TSPAN11: variants seen among roughly 807,000 people sequenced by gnomAD.
TSPAN11 encodes tetraspanin 11.
In TSPAN11, 29 loss-of-function variants were observed where a neutral mutation model predicts 32.9. The ratio of observed to expected loss-of-function variants is 0.88; its 90% CI spans 0.66 to 1.20. The LOEUF (loss-of-function observed/expected upper bound fraction) is 1.20, where lower values mean the gene tolerates loss of function less well. Ranked by LOEUF, TSPAN11 falls within the 50% of genes most tolerant of loss-of-function variation. TSPAN11 has a pLI of 0.00. For synonymous variants in TSPAN11, 140 were observed against 141.3 expected, an observed-to-expected ratio of 0.99 and a Z score of 0.07; for missense variants, 283 against 329.1, an observed-to-expected ratio of 0.86 and a Z score of 1.08.
chr12:30,934,044 T>C (rs1937990919), intron 1 of TSPAN11, among the ~76,000 whole-genome samples: 1 of 152,118 alleles, frequency 6.6e-6, no homozygotes, highest in Non-Finnish European at 1.5e-5. Context: ...AACCTGGAGG[T>C]GTCATCCACT....
intron 7 of TSPAN11, among the ~76,000 whole-genome samples, chr12:30,986,334 C>T (rs6487954): frequency 0.053 from 8,026 of 152,290 alleles, 320 homozygotes; most frequent in East Asian, 0.19. Context: ...CGTCTCTGAG[C>T]CCTTAGTGTC....
the TSPAN11 span, among the ~76,000 whole-genome samples, chr12:31,006,774 C>T: frequency 1.3e-5 from 2 of 152,242 alleles, no homozygotes; most frequent in Non-Finnish European, 2.9e-5. Flanking sequence ...CTTCAGACTC[C>T]TCATTTATTA....
intron 1 of TSPAN11, among the ~76,000 whole-genome samples, chr12:30,931,878 T>TAAAAAAAA (rs1937938498): frequency 4.9e-4 from 6 of 12,322 alleles, no homozygotes; most frequent in Non-Finnish European, 8.5e-4. Flanking sequence ...AGACGCTGTA[T>TAAAAAAAA]CAAAAAAAAA....
the TSPAN11 span, among the ~76,000 whole-genome samples, chr12:31,016,097 C>G: frequency 6.6e-6 from 1 of 152,152 alleles, no homozygotes; most frequent in Non-Finnish European, 1.5e-5. Context: ...GGCAACATAA[C>G]GAGACCACGT....
At chr12:30,955,429 T>A (rs927394152) in intron 2 of TSPAN11, among the ~76,000 whole-genome samples, 2 of 152,220 alleles carry the variant, frequency 1.3e-5, no homozygotes, top group African/African-American at 2.4e-5. Flanking sequence ...CATTTCTTTT[T>A]AAGAGTAACT....
chr12:30,984,545 C>T (rs1440713316), intron 7 of TSPAN11, among the ~76,000 whole-genome samples: 8 of 127,626 alleles, frequency 6.3e-5, no homozygotes, highest in Non-Finnish European at 7.8e-5. Flanking sequence ...GTGTTCTTCG[C>T]TTTTTGCTTT....
rs1346836997 is a variant in TSPAN11, at chr12:30,963,975, C to A, written c.234C>A (p.Gly78=). ...GVLVMVTGFL[G]FGAILWERKG... is the part of the protein sequence containing the mutation. ...TTGTCATGGTGACCGGCTTCCTGGG[C>A]TTCGGTGCCATCCTCTGGGAGCGGA... The change falls in exon 3 of 8, where the codon GGC becomes GGA. Residue 78 remains glycine (G), a synonymous_variant. Coordinates refer to ENST00000546076, the MANE Select transcript of TSPAN11 (RefSeq NM_001370302.1). The A allele has an allele frequency of 6.2e-7, 1 of 1,613,942 alleles. No individual in the cohort carries two copies. The highest frequency in any genetic ancestry group is 8.5e-7 in the Non-Finnish European group (1 of 1,180,032).
At chr12:30,936,184 G>GCTTAATTCCTGCTCTTCCTTC (rs57821020) in intron 1 of TSPAN11, among the ~76,000 whole-genome samples, 4,357 of 152,130 alleles carry the variant, frequency 0.029, 191 homozygotes, top group African/African-American at 0.1. Flanking sequence ...CACCTTCTTT[G>GCTTAATTCCTGCTCTTCCTTC]CTTAATTCCT....
chr12:30,987,452 C>A (rs552400532), intron 7 of TSPAN11, among the ~76,000 whole-genome samples: 1 of 152,200 alleles, frequency 6.6e-6, no homozygotes, highest in South Asian at 2.1e-4. Context: ...ACTAAAAATA[C>A]AAAAATTAGC....
chr12:31,016,354 G>A, the TSPAN11 span, among the ~76,000 whole-genome samples: 1 of 152,166 alleles, frequency 6.6e-6, no homozygotes, highest in African/African-American at 2.4e-5. Flanking sequence ...GCAGTGTGAT[G>A]TGCTAACACC....
rs1276706048 is a variant in TSPAN11, at chr12:30,995,927, A to T, written c.*4012A>T. On this transcript the variant is annotated 3_prime_UTR_variant, in exon 8 of 8. Coordinates refer to ENST00000546076, the MANE Select transcript of TSPAN11 (RefSeq NM_001370302.1). ...TGAGAACCACTGCTTTAGACCAAAC[A>T]CCAAAGGAAGATGCAGCCACCCTCC... 1 of 152,014 alleles carries T rather than the reference A, an allele frequency of 6.6e-6. No individual in the cohort carries two copies. The highest frequency in any genetic ancestry group is 1.5e-5 in the Non-Finnish European group (1 of 68,030). The allele number at this position is 152,014 out of a possible 1,614,324, so 9.4% of individuals were successfully genotyped here. A position where few individuals can be genotyped will look rare whatever the true frequency, so the allele number is the denominator to read the frequency against.
chr12:30,953,984 C>T lies in TSPAN11; in HGVS notation c.-8C>T. The T allele has an allele frequency of 6.2e-7, 1 of 1,612,518 alleles. No individual in the cohort carries two copies. The highest frequency in any genetic ancestry group is 1.1e-5 in the South Asian group (1 of 90,968). ...AGCATATGTGTCTTCTCTGCAGGCC[C>T]AGAAGCCATGGCCCACTATAAGACT... is the stretch of plus-strand genomic sequence containing the variant. On this transcript the variant is annotated 5_prime_UTR_variant, in exon 2 of 8. Transcript: ENST00000546076.
intron 1 of TSPAN11, among the ~76,000 whole-genome samples, chr12:30,932,460 A>G (rs956792167): frequency 1.3e-5 from 2 of 152,156 alleles, no homozygotes; most frequent in Admixed American, 6.5e-5. Flanking sequence ...CTACTCATCA[A>G]TGCACTCAAC....
the TSPAN11 span, among the ~76,000 whole-genome samples, chr12:31,016,074 C>A: frequency 6.6e-6 from 1 of 152,282 alleles, no homozygotes; most frequent in South Asian, 2.1e-4. Context: ...GCCAGGAGTT[C>A]GTGACCAGCC....
chr12:30,968,138 C>T (rs1331098049), intron 3 of TSPAN11, among the ~76,000 whole-genome samples: 1 of 152,196 alleles, frequency 6.6e-6, no homozygotes, highest in African/African-American at 2.4e-5. Flanking sequence ...AATCTTGAAT[C>T]AGCTGACAGG....
intron 2 of TSPAN11, among the ~76,000 whole-genome samples, chr12:30,959,876 G>T (rs1202338315): frequency 6.6e-6 from 1 of 151,788 alleles, no homozygotes; most frequent in Non-Finnish European, 1.5e-5. Context: ...AGAGCACCGA[G>T]GCCATGCAAA....
chr12:30,952,606 A>G (rs763144909), intron 1 of TSPAN11, among the ~76,000 whole-genome samples: 4 of 152,206 alleles, frequency 2.6e-5, no homozygotes, highest in Admixed American at 6.5e-5. Context: ...AAGAGGCAGA[A>G]CAGTGGCTCA....
At chr12:30,981,303 G>C (rs755996949) in intron 5 of TSPAN11, among the ~76,000 whole-genome samples, 2 of 152,202 alleles carry the variant, frequency 1.3e-5, no homozygotes, top group Non-Finnish European at 2.9e-5. Flanking sequence ...AAATGACAGA[G>C]ACACACAAAG....
Position 30,936,526 on chromosome 12 carries a change from AGG to A in TSPAN11, c.-12+9732_-12+9733del, listed in dbSNP as rs543943500. 1.2e-4 allele frequency among the ~76,000 whole-genome samples: 19 copies of A among 152,366 alleles called. 1 individual carries two copies. In the South Asian group the frequency reaches 3.7e-3, roughly 30 times the overall value. On this transcript the variant is annotated intron_variant, in intron 1 of 7. Coordinates refer to ENST00000546076, the MANE Select transcript of TSPAN11 (RefSeq NM_001370302.1). ...ATAAATGAGGAGGGCAGCCTCAGGCAGGGCAGCAGCAGGGAGAAGAGTGGAAT... is the reference window on the plus strand; with the variant it reads ...ATAAATGAGGAGGGCAGCCTCAGGCAGCAGCAGCAGGGAGAAGAGTGGAAT...
Sources: gnomAD v4.1 joint callset for allele counts (sites outside exome capture counted in the v4.1 genomes callset) on GRCh38, gnomAD v4.1.1 for gene constraint, MANE v1.5 for transcripts, NCBI Gene and HGNC (gene_info 2026-07-23, HGNC 2026-07-21) for gene names.